AKAP19: variants seen among roughly 807,000 people sequenced by gnomAD.
The protein encoded by AKAP19 is A-kinase anchoring protein 19.
At chr2:189,884,907 G>A in the AKAP19 span, among the ~76,000 whole-genome samples, 2 of 152,166 alleles carry the variant, frequency 1.3e-5, no homozygotes, top group Non-Finnish European at 2.9e-5. Flanking sequence ...TAATCCTGAA[G>A]CGCTAGATTC....
the AKAP19 span, among the ~76,000 whole-genome samples, chr2:189,920,660 C>T: frequency 6.6e-6 from 1 of 152,206 alleles, no homozygotes; most frequent in Non-Finnish European, 1.5e-5. Context: ...ACAGTTCAGT[C>T]CCACTTTCTT....
At chr2:190,058,565 C>A in the AKAP19 span, among the ~76,000 whole-genome samples, 1 of 151,922 alleles carries the variant, frequency 6.6e-6, no homozygotes. Context: ...GTATGTTTAT[C>A]GCAGCATAAT....
the AKAP19 span, among the ~76,000 whole-genome samples, chr2:189,969,528 C>T: frequency 2.0e-5 from 3 of 151,696 alleles, no homozygotes; most frequent in Non-Finnish European, 2.9e-5. Context: ...CAGGAGTTCA[C>T]GACTAGCCTG....
the AKAP19 span, among the ~76,000 whole-genome samples, chr2:190,193,916 G>A: frequency 5.3e-5 from 8 of 152,076 alleles, no homozygotes; most frequent in African/African-American, 1.9e-4. Flanking sequence ...TCTATTATAA[G>A]CATTTAAGTA....
chr2:190,029,118 T>C, the AKAP19 span, among the ~76,000 whole-genome samples: 1 of 151,884 alleles, frequency 6.6e-6, no homozygotes, highest in African/African-American at 2.4e-5. Context: ...AATGGTGTGA[T>C]CTTGGCTCAC....
the AKAP19 span, among the ~76,000 whole-genome samples, chr2:189,953,416 A>T: frequency 6.6e-6 from 1 of 152,022 alleles, no homozygotes; most frequent in African/African-American, 2.4e-5. Flanking sequence ...TGGGCAGATC[A>T]CCTAGGTCAG....
the AKAP19 span, chr2:189,923,307 C>A: frequency 1.9e-6 from 3 of 1,597,250 alleles, no homozygotes; most frequent in Non-Finnish European, 2.6e-6. Context: ...TTGTTTTCGG[C>A]TTTGTGAGAA....
chr2:190,002,553 TTAAA>T, the AKAP19 span, among the ~76,000 whole-genome samples: 9 of 151,898 alleles, frequency 5.9e-5, no homozygotes, highest in South Asian at 1.0e-3. Context: ...AATAATAAAT[TTAAA>T]AAAAGAAAGA....
chr2:189,940,354 G>A, the AKAP19 span, among the ~76,000 whole-genome samples: 1 of 151,838 alleles, frequency 6.6e-6, no homozygotes, highest in Non-Finnish European at 1.5e-5. Context: ...GCTGAGACAG[G>A]AGAATGGCGT....
chr2:190,045,633 C>G, the AKAP19 span, among the ~76,000 whole-genome samples: 1 of 152,208 alleles, frequency 6.6e-6, no homozygotes, highest in Non-Finnish European at 1.5e-5. Context: ...CCCCTAACTC[C>G]AAGAGCGCCT....
At chr2:190,081,270 C>G in the AKAP19 span, among the ~76,000 whole-genome samples, 1 of 151,238 alleles carries the variant, frequency 6.6e-6, no homozygotes, top group South Asian at 2.1e-4. Flanking sequence ...TTAACTCAAG[C>G]ACAAGCTACC....
the AKAP19 span, among the ~76,000 whole-genome samples, chr2:189,961,032 A>G: frequency 6.6e-6 from 1 of 152,230 alleles, no homozygotes; most frequent in Non-Finnish European, 1.5e-5. Context: ...GTCTTTGAGC[A>G]GTATTGTCTT....
the AKAP19 span, among the ~76,000 whole-genome samples, chr2:190,132,685 G>GA: frequency 2.0e-5 from 3 of 151,692 alleles, no homozygotes; most frequent in Non-Finnish European, 4.4e-5. Context: ...AAACTACTAG[G>GA]AAAAAACACA....
chr2:190,113,942 T>C, the AKAP19 span, among the ~76,000 whole-genome samples: 1 of 152,226 alleles, frequency 6.6e-6, no homozygotes, highest in African/African-American at 2.4e-5. Context: ...GCTTTCTTCC[T>C]GGGTTTTGTT....
chr2:189,903,401 A>G, the AKAP19 span, among the ~76,000 whole-genome samples: 5 of 152,218 alleles, frequency 3.3e-5, no homozygotes, highest in Admixed American at 2.0e-4. Flanking sequence ...TATATTCATA[A>G]TGATGATTCT....
At chr2:190,113,874 C>G in the AKAP19 span, among the ~76,000 whole-genome samples, 32 of 152,170 alleles carry the variant, frequency 2.1e-4, no homozygotes, top group African/African-American at 7.2e-4. Context: ...AAGTAATCTG[C>G]CTGCATACAA....
chr2:190,145,012 G>A, the AKAP19 span, among the ~76,000 whole-genome samples: 1 of 152,096 alleles, frequency 6.6e-6, no homozygotes, highest in South Asian at 2.1e-4. Context: ...CAGGCATGGT[G>A]GGTCACATCT....
chr2:190,091,409 T>C, the AKAP19 span, among the ~76,000 whole-genome samples: 1 of 152,224 alleles, frequency 6.6e-6, no homozygotes, highest in African/African-American at 2.4e-5. Context: ...TGATAATAAC[T>C]GAAAGGAATT....
At chr2:190,069,411 A>G in the AKAP19 span, among the ~76,000 whole-genome samples, 1 of 152,172 alleles carries the variant, frequency 6.6e-6, no homozygotes, top group Non-Finnish European at 1.5e-5. Context: ...TAATGTTTCT[A>G]GTAACCAACC....
Sources: allele counts gnomAD v4.1 joint callset (sites outside exome capture counted in the v4.1 genomes callset), GRCh38; gene constraint gnomAD v4.1.1; transcripts MANE v1.5; gene names NCBI Gene and HGNC (gene_info 2026-07-23, HGNC 2026-07-21).